SLC26A2: variants seen among roughly 807,000 people sequenced by gnomAD.
SLC26A2 encodes the protein sulfate transporter.
SLC26A2 carries 36 observed loss-of-function variants against 41.1 expected under a neutral mutation model. The observed-to-expected ratio is 0.88, with a 90% CI of 0.67 to 1.16. SLC26A2 has a LOEUF of 1.16. SLC26A2 is among the 50% of genes most tolerant of loss of function. The pLI, the probability that SLC26A2 is intolerant of heterozygous loss-of-function variation, is 0.00. For synonymous variants in SLC26A2, 291 were observed against 311.6 expected, an observed-to-expected ratio of 0.93 and a Z score of 0.70; for missense variants, 796 against 869.6, an observed-to-expected ratio of 0.92 and a Z score of 1.07.
intron 1 of SLC26A2, among the ~76,000 whole-genome samples, chr5:149,970,402 T>C (rs1200335157): frequency 6.6e-6 from 1 of 152,106 alleles, no homozygotes; most frequent in Non-Finnish European, 1.5e-5. Flanking sequence ...TCCTAGCTAC[T>C]TGGGAGGCTG....
At chr5:149,970,374 C>T (rs189304138) in intron 1 of SLC26A2, among the ~76,000 whole-genome samples, 2 of 151,988 alleles carry the variant, frequency 1.3e-5, no homozygotes, top group Non-Finnish European at 2.9e-5. Context: ...AGCCAGGTAT[C>T]GTGGTGTGTA....
chr5:149,980,802 GT>G lies in SLC26A2; in HGVS notation c.1212del (p.Phe404LeufsTer56). Reference protein sequence around the residue: ...FAITVSLSEMFAKKHGYTVKA... With the variant: ...FAITVSLSEMXAKKHGYTVKA... ...CTATCACTGTATCACTTTCTGAGATGTTTGCCAAGAAACATGGTTACACAGT... is the reference window on the plus strand; with the variant it reads ...CTATCACTGTATCACTTTCTGAGATGTTGCCAAGAAACATGGTTACACAGT... On this transcript the variant is annotated frameshift_variant, in exon 3 of 3. Transcript: ENST00000286298. LOFTEE classifies it high-confidence loss of function. The G allele has an allele frequency of 6.2e-7, 1 of 1,614,026 alleles. No individual in the cohort carries two copies. The highest frequency in any genetic ancestry group is 8.5e-7 in the Non-Finnish European group (1 of 1,180,000).
In SLC26A2 at chr5:149,987,213, T is replaced by C. The variant is rs535283941; in HGVS notation, c.*5400T>C. 1.3e-5 allele frequency: 2 copies of C among 152,302 alleles called. No homozygotes were observed. The highest frequency in any genetic ancestry group is 1.3e-4 in the Admixed American group (2 of 15,292). The allele number at this position is 152,302 out of a possible 1,614,324, so 9.4% of individuals were successfully genotyped here. A position where few individuals can be genotyped will look rare whatever the true frequency, so the allele number is the denominator to read the frequency against. On this transcript the variant is annotated 3_prime_UTR_variant, in exon 3 of 3. Coordinates refer to ENST00000286298, the MANE Select transcript of SLC26A2 (RefSeq NM_000112.4). The stretch of plus-strand genomic sequence containing the variant: ...CCATGTAAATCATTGCTTAACCCTC[T>C]TATGGGATGAGGATGAGTTATTAAT...
Position 149,986,601 on chromosome 5 carries a change from T to C in SLC26A2, c.*4788T>C, listed in dbSNP as rs1406976028. ...AAACATGTTAAGTACAGTTAAAAAG[T>C]AAGCATTGTAGTAAATAGTGGATTC... is the stretch of plus-strand genomic sequence containing the variant. On this transcript the variant is annotated 3_prime_UTR_variant, in exon 3 of 3. Transcript: ENST00000286298. The C allele has an allele frequency of 6.6e-6, 1 of 152,212 alleles. No individual in the cohort carries two copies. The highest frequency in any genetic ancestry group is 2.4e-5 in the African/African-American group (1 of 41,438). The allele number at this position is 152,212 out of a possible 1,614,324, so 9.4% of individuals were successfully genotyped here.
At chr5:149,969,726 C>A (rs1754868229) in intron 1 of SLC26A2, among the ~76,000 whole-genome samples, 1 of 152,184 alleles carries the variant, frequency 6.6e-6, no homozygotes, top group Non-Finnish European at 1.5e-5. Flanking sequence ...TTCACTCCAG[C>A]CTTATCTCCT....
At position 149,982,125 on chromosome 5, in the gene SLC26A2, G is replaced by C. The variant is rs552562764; in HGVS notation, c.*312G>C. On this transcript the variant is annotated 3_prime_UTR_variant, in exon 3 of 3. Transcript: ENST00000286298. The stretch of plus-strand genomic sequence containing the variant: ...ACTTAATTACTCTCCTGTTTTAGGG[G>C]TTATACATTTGGACTGTGCATTCTC... The C allele has an allele frequency of 3.7e-5, 11 of 294,096 alleles. No individual in the cohort carries two copies. Among genetic ancestry groups the C allele is most frequent in the African/African-American group, 2.4e-4 (11 of 46,038 alleles). 18.2% of individuals were successfully genotyped at this position (294,096 alleles called of 1,614,324 possible). A position where few individuals can be genotyped will look rare whatever the true frequency, so the allele number is the denominator to read the frequency against.
Position 149,981,341 on chromosome 5 carries a change from T to G in SLC26A2, c.1748T>G (p.Phe583Cys). The G allele has an allele frequency of 1.2e-6, 2 of 1,614,168 alleles. No homozygotes were observed. The highest frequency in any genetic ancestry group is 2.2e-5 in the South Asian group (2 of 91,082). ...QIKPGIKIFR[F>C]VAPLYYINKE... The stretch of plus-strand genomic sequence containing the variant: ...AAGCCAGGCATCAAGATTTTCCGCT[T>G]TGTAGCCCCTCTCTACTACATAAAC... The change falls in exon 3 of 3, where the codon TTT becomes TGT. Residue 583 changes from phenylalanine (F) to cysteine (C), a missense_variant. Phe to Cys is a radical substitution (Grantham distance 205, BLOSUM62 -2). Transcript: ENST00000286298.
At chr5:149,967,675 T>G (rs1754827920) in intron 1 of SLC26A2, among the ~76,000 whole-genome samples, 1 of 152,192 alleles carries the variant, frequency 6.6e-6, no homozygotes, top group Non-Finnish European at 1.5e-5. Flanking sequence ...CTGTAACCAG[T>G]AACACCACTT....
At chr5:149,968,663 G>A (rs936309539) in intron 1 of SLC26A2, among the ~76,000 whole-genome samples, 6 of 149,586 alleles carry the variant, frequency 4.0e-5, no homozygotes, top group South Asian at 2.1e-4. Context: ...CTTGTGATCC[G>A]CCTGCCTCGG....
intron 2 of SLC26A2, 146 bp from the exon 3 acceptor site, chr5:149,980,144 GAGA>G (rs1193496284): frequency 1.4e-6 from 1 of 703,654 alleles, no homozygotes; most frequent in African/African-American, 1.8e-5. Flanking sequence ...TTTGTAAAAT[GAGA>G]AGATTGATAT....
chr5:149,968,848 T>C (rs1046151054), intron 1 of SLC26A2, among the ~76,000 whole-genome samples: 4 of 93,916 alleles, frequency 4.3e-5, no homozygotes, highest in African/African-American at 6.4e-5. Context: ...GCTTGCTGAG[T>C]AGCTGTGCCT....
rs749689580 is a variant in SLC26A2 at position 149,981,481 on chromosome 5, G to T, written c.1888G>T (p.Gly630Ter). ...CAAAGAAAAAGTAGTGACTCTTGGT[G>T]GAATCCAGGATGAAATGTCAGTGCA... ...KIKEKVVTLG[G>*]IQDEMSVQLS... Residue 630 changes from glycine to a stop codon, truncating the protein, a stop_gained, in exon 3 of 3, where the codon GGA (glycine) becomes TGA (stop). Transcript: ENST00000286298. LOFTEE classifies it high-confidence loss of function. 6.2e-7 allele frequency: 1 copy of T among 1,614,122 alleles called. No homozygotes were observed. Among genetic ancestry groups the T allele is most frequent in the South Asian group, 1.1e-5 (1 of 91,080 alleles).
chr5:149,972,717 C>T (rs536880017), intron 1 of SLC26A2, among the ~76,000 whole-genome samples: 1 of 152,250 alleles, frequency 6.6e-6, no homozygotes, highest in South Asian at 2.1e-4. Context: ...ATACTTGGGT[C>T]TTATTTTTTA....
rs1026293136 is a variant in SLC26A2 at position 149,985,491 on chromosome 5, G to A, written c.*3678G>A. The stretch of plus-strand genomic sequence containing the variant: ...CTCTTTTAATGCTAATGGCTAGTAC[G>A]TTTAAACAAAACAGCAGTTCTCTGC... On this transcript the variant is annotated 3_prime_UTR_variant, in exon 3 of 3. Coordinates refer to ENST00000286298, the MANE Select transcript of SLC26A2 (RefSeq NM_000112.4). 1 of 152,136 alleles carries A rather than the reference G, an allele frequency of 6.6e-6. No homozygotes were observed. The highest frequency in any genetic ancestry group is 1.5e-5 in the Non-Finnish European group (1 of 68,032). The allele number at this position is 152,136 out of a possible 1,614,324, so 9.4% of individuals were successfully genotyped here. A position where few individuals can be genotyped will look rare whatever the true frequency, so the allele number is the denominator to read the frequency against.
At chr5:149,972,369 G>A (rs879453092) in intron 1 of SLC26A2, among the ~76,000 whole-genome samples, 1 of 152,174 alleles carries the variant, frequency 6.6e-6, no homozygotes, top group Non-Finnish European at 1.5e-5. Flanking sequence ...AGATGGGAAA[G>A]GACCATGGCC....
At chr5:149,972,769 C>G (rs1754925651) in intron 1 of SLC26A2, among the ~76,000 whole-genome samples, 1 of 152,160 alleles carries the variant, frequency 6.6e-6, no homozygotes, top group Non-Finnish European at 1.5e-5. Flanking sequence ...CATGTTTAGA[C>G]CATTCATATT....
intron 1 of SLC26A2, among the ~76,000 whole-genome samples, chr5:149,964,289 C>T (rs989888587): frequency 2.1e-4 from 32 of 152,024 alleles, no homozygotes; most frequent in Non-Finnish European, 1.5e-5. Context: ...CTCAGGAGTT[C>T]AAGACCAGCC....
chr5:149,962,710 C>T (rs1754735086), intron 1 of SLC26A2, among the ~76,000 whole-genome samples: 1 of 152,182 alleles, frequency 6.6e-6, no homozygotes. Flanking sequence ...TGTAAACCCC[C>T]AGGCAGATGC....
At chr5:149,969,614 T>C (rs1754867066) in intron 1 of SLC26A2, among the ~76,000 whole-genome samples, 1 of 152,202 alleles carries the variant, frequency 6.6e-6, no homozygotes, top group African/African-American at 2.4e-5. Context: ...ACCACTGAAA[T>C]GGCAAACCTC....
Sources: allele counts gnomAD v4.1 joint callset (sites outside exome capture counted in the v4.1 genomes callset), GRCh38; gene constraint gnomAD v4.1.1; transcripts MANE v1.5; gene names NCBI Gene and HGNC (gene_info 2026-07-23, HGNC 2026-07-21).